Variants in CADPS2 observed in about 807,000 individuals in gnomAD.
CADPS2 encodes the protein calcium dependent secretion activator 2.
Under a neutral mutation model 172.5 loss-of-function variants are expected in CADPS2, and 93 were observed. The observed-to-expected ratio is 0.54, with a 90% CI of 0.46 to 0.64. The LOEUF (loss-of-function observed/expected upper bound fraction) is 0.64, where lower values mean the gene tolerates loss of function less well. Among genes scored for constraint, CADPS2 ranks in the 30% least tolerant of loss-of-function variants. The probability of loss-of-function intolerance (pLI) is 0.00; values close to 1 mark genes in which losing one functional copy is unlikely to be tolerated. For synonymous variants in CADPS2, 546 were observed against 555.2 expected (o/e 0.98, Z 0.23); for missense variants, 1,420 against 1,565.9 (o/e 0.91, Z 1.57).
chr7:122,670,908 C>T (rs2081767744), intron 2 of CADPS2, among the ~76,000 whole-genome samples: 1 of 151,882 alleles, frequency 6.6e-6, no homozygotes, highest in South Asian at 2.1e-4. Flanking sequence ...CTTCTCTGGC[C>T]TCATCACAAG....
At chr7:122,607,989 T>C (rs1587796597) in intron 6 of CADPS2, among the ~76,000 whole-genome samples, 2 of 151,790 alleles carry the variant, frequency 1.3e-5, no homozygotes, top group Non-Finnish European at 2.9e-5. Flanking sequence ...GAGGGCGAGG[T>C]GGGTGGATCA....
intron 3 of CADPS2, among the ~76,000 whole-genome samples, chr7:122,643,900 G>A (rs895720549): frequency 2.6e-5 from 4 of 152,060 alleles, no homozygotes; most frequent in South Asian, 2.1e-4. Flanking sequence ...AGACCAGCTT[G>A]GGCAACATGG....
At chr7:122,699,051 A>C in intron 2 of CADPS2, 2 of 647,504 alleles carry the variant, frequency 3.1e-6, no homozygotes, top group East Asian at 2.8e-5. Flanking sequence ...TGTTTTTGTA[A>C]GAAATTCTTA....
chr7:122,502,941 G>A (rs1417241549), intron 9 of CADPS2, among the ~76,000 whole-genome samples: 1 of 151,450 alleles, frequency 6.6e-6, no homozygotes, highest in Non-Finnish European at 1.5e-5. Flanking sequence ...GCATGACAGA[G>A]TGACCAAGAT....
chr7:122,740,489 C>A (rs1588907386), intron 1 of CADPS2, among the ~76,000 whole-genome samples: 1 of 152,058 alleles, frequency 6.6e-6, no homozygotes. Flanking sequence ...ATATGACATT[C>A]TGGACAAGGC....
At chr7:122,565,808 C>T (rs1431279471) in intron 7 of CADPS2, among the ~76,000 whole-genome samples, 2 of 152,126 alleles carry the variant, frequency 1.3e-5, no homozygotes, top group African/African-American at 4.8e-5. Flanking sequence ...AAGATATATT[C>T]TCTTAGCAAA....
intron 1 of CADPS2, among the ~76,000 whole-genome samples, chr7:122,861,696 A>G (rs1292633622): frequency 1.3e-5 from 2 of 152,250 alleles, no homozygotes; most frequent in East Asian, 3.8e-4. Context: ...ACCACAAAGA[A>G]ATAACAAGTT....
At chr7:122,478,682 T>C (rs199905088) in intron 12 of CADPS2, among the ~76,000 whole-genome samples, 1 of 152,114 alleles carries the variant, frequency 6.6e-6, no homozygotes. Flanking sequence ...TAATACAGAC[T>C]TGAAAATAGG....
At chr7:122,796,738 T>A (rs1796452793) in intron 1 of CADPS2, among the ~76,000 whole-genome samples, 1 of 150,654 alleles carries the variant, frequency 6.6e-6, no homozygotes, top group Non-Finnish European at 1.5e-5. Flanking sequence ...GACTTACATG[T>A]AAAATCCAAA....
intron 18 of CADPS2, among the ~76,000 whole-genome samples, chr7:122,414,415 AATT>A (rs2047649664): frequency 6.6e-6 from 1 of 152,220 alleles, no homozygotes; most frequent in Non-Finnish European, 1.5e-5. Flanking sequence ...TTGAATATCC[AATT>A]ATTAATAGAT....
At chr7:122,559,523 C>T (rs1446440455) in intron 7 of CADPS2, among the ~76,000 whole-genome samples, 1 of 152,072 alleles carries the variant, frequency 6.6e-6, no homozygotes, top group Admixed American at 6.6e-5. Flanking sequence ...GTAATCCCAG[C>T]ACTTTTGGGA....
chr7:122,744,661 T>C (rs1472522813), intron 1 of CADPS2, among the ~76,000 whole-genome samples: 1 of 152,106 alleles, frequency 6.6e-6, no homozygotes, highest in East Asian at 1.9e-4. Context: ...ATAAACACCA[T>C]ATTAATATGT....
At chr7:122,558,366 T>C (rs1415057102) in intron 7 of CADPS2, among the ~76,000 whole-genome samples, 1 of 152,200 alleles carries the variant, frequency 6.6e-6, no homozygotes, top group Non-Finnish European at 1.5e-5. Flanking sequence ...TATAGCTCTG[T>C]ACAAATAACT....
chr7:122,580,509 A>T (rs2068669325), intron 7 of CADPS2, among the ~76,000 whole-genome samples: 1 of 151,940 alleles, frequency 6.6e-6, no homozygotes, highest in African/African-American at 2.4e-5. Flanking sequence ...CTTCATATAG[A>T]CTACTCAATT....
intron 8 of CADPS2, among the ~76,000 whole-genome samples, chr7:122,519,956 T>C (rs2060656093): frequency 6.6e-6 from 1 of 151,996 alleles, no homozygotes; most frequent in African/African-American, 2.4e-5. Flanking sequence ...ATATCTGTAG[T>C]TATATATAAT....
At chr7:122,834,767 T>G (rs541495709) in intron 1 of CADPS2, among the ~76,000 whole-genome samples, 2 of 151,776 alleles carry the variant, frequency 1.3e-5, no homozygotes, top group Admixed American at 6.6e-5. Flanking sequence ...GAGGCTCGAG[T>G]AGGTAAACAA....
At chr7:122,811,359 A>T (rs1799985466) in intron 1 of CADPS2, among the ~76,000 whole-genome samples, 1 of 152,218 alleles carries the variant, frequency 6.6e-6, no homozygotes, top group Non-Finnish European at 1.5e-5. Context: ...CCTAATCAGC[A>T]AAATAACACA....
At chr7:122,397,607 C>T (rs1472162063) in intron 20 of CADPS2, among the ~76,000 whole-genome samples, 1 of 152,146 alleles carries the variant, frequency 6.6e-6, no homozygotes, top group African/African-American at 2.4e-5. Context: ...CTCCTTCCTT[C>T]GTTGTCCATA....
At chr7:122,681,750 G>C in intron 2 of CADPS2, 1 of 511,920 alleles carries the variant, frequency 2.0e-6, no homozygotes, top group South Asian at 3.5e-5. Flanking sequence ...AATAATAAAA[G>C]AAAGAAAAAA....
Sources: allele counts gnomAD v4.1 joint callset (sites outside exome capture counted in the v4.1 genomes callset), GRCh38; gene constraint gnomAD v4.1.1; transcripts MANE v1.5; gene names NCBI Gene and HGNC (gene_info 2026-07-23, HGNC 2026-07-21).